Variants in SPMIP11 observed in about 807,000 individuals in gnomAD.
SPMIP11 encodes the protein sperm microtubule inner protein 11, also known as long intergenic non-protein coding RNA 935.
chr12:48,759,616 G>A, the SPMIP11 span, among the ~76,000 whole-genome samples: 1 of 151,112 alleles, frequency 6.6e-6, no homozygotes, highest in East Asian at 1.9e-4. Flanking sequence ...GGTTGCGTGA[G>A]CCAAGATCGT....
chr12:48,731,113 C>A, the SPMIP11 span, among the ~76,000 whole-genome samples: 1 of 152,192 alleles, frequency 6.6e-6, no homozygotes. Context: ...AAGCAGGCCA[C>A]TGTACAAATG....
chr12:48,764,762 C>A, the SPMIP11 span: 18 of 644,360 alleles, frequency 2.8e-5, no homozygotes, highest in Non-Finnish European at 4.8e-5. Context: ...AGTTGCTGGG[C>A]TGGGCTGGGC....
the SPMIP11 span, chr12:48,771,067 A>T: frequency 8.1e-7 from 1 of 1,241,812 alleles, no homozygotes. This position sits in a 1 kb window ranked among gnomAD's most constrained non-coding sequence, Gnocchi z 4.3. Flanking sequence ...TGCCTTCCCC[A>T]CTTCCCTGTC....
At chr12:48,754,962 T>C in the SPMIP11 span, among the ~76,000 whole-genome samples, 1 of 149,236 alleles carries the variant, frequency 6.7e-6, no homozygotes, top group African/African-American at 2.6e-5. Flanking sequence ...TGGCTGCAAA[T>C]ACCCTAATCT....
the SPMIP11 span, among the ~76,000 whole-genome samples, chr12:48,754,556 T>C: frequency 6.6e-6 from 1 of 151,916 alleles, no homozygotes; most frequent in Non-Finnish European, 1.5e-5. Context: ...GTTCACGCCA[T>C]TCTCCTGCCT....
the SPMIP11 span, among the ~76,000 whole-genome samples, chr12:48,728,207 T>C: frequency 6.6e-6 from 1 of 152,144 alleles, no homozygotes; most frequent in Non-Finnish European, 1.5e-5. Flanking sequence ...GACTATCTGA[T>C]GAGAAAGATA....
chr12:48,757,584 T>A, the SPMIP11 span, among the ~76,000 whole-genome samples: 1 of 151,062 alleles, frequency 6.6e-6, no homozygotes, highest in Non-Finnish European at 1.5e-5. Context: ...AGGCAGATGT[T>A]GCAGTGAGCC....
chr12:48,759,161 C>A, the SPMIP11 span: 1 of 699,892 alleles, frequency 1.4e-6, no homozygotes, highest in South Asian at 1.5e-5. Context: ...ATCAGAGAAT[C>A]AAATAGTCAT....
the SPMIP11 span, among the ~76,000 whole-genome samples, chr12:48,763,718 G>A: frequency 6.9e-6 from 1 of 145,098 alleles, no homozygotes; most frequent in Admixed American, 7.0e-5. Context: ...TCGCTCTGTC[G>A]CCCTGGCTGG....
At chr12:48,750,926 G>T in the SPMIP11 span, among the ~76,000 whole-genome samples, 2 of 152,140 alleles carry the variant, frequency 1.3e-5, no homozygotes, top group East Asian at 3.8e-4. Flanking sequence ...ACCATTCTGT[G>T]GTTCAAATCA....
At chr12:48,728,405 T>C in the SPMIP11 span, among the ~76,000 whole-genome samples, 3 of 152,132 alleles carry the variant, frequency 2.0e-5, no homozygotes, top group Non-Finnish European at 4.4e-5. Context: ...AAAGGATGAT[T>C]GGCGTTCACT....
chr12:48,739,943 A>C, the SPMIP11 span, among the ~76,000 whole-genome samples: 1 of 152,174 alleles, frequency 6.6e-6, no homozygotes, highest in African/African-American at 2.4e-5. Flanking sequence ...CTTAGGTAAC[A>C]ACATTCTTTA....
chr12:48,756,506 T>C, the SPMIP11 span, among the ~76,000 whole-genome samples: 7 of 152,004 alleles, frequency 4.6e-5, no homozygotes, highest in Non-Finnish European at 1.0e-4. Flanking sequence ...GGGACAGAGA[T>C]GATGAATGAG....
chr12:48,744,163 G>A, the SPMIP11 span, among the ~76,000 whole-genome samples: 7 of 150,400 alleles, frequency 4.7e-5, no homozygotes, highest in African/African-American at 7.4e-5. Context: ...CAGGAGAATC[G>A]CTTGAACCTG....
At chr12:48,730,768 C>T in the SPMIP11 span, among the ~76,000 whole-genome samples, 1 of 151,950 alleles carries the variant, frequency 6.6e-6, no homozygotes, top group East Asian at 1.9e-4. Context: ...TGAAACTCCA[C>T]CTCTACTAAA....
the SPMIP11 span, chr12:48,727,522 C>G: frequency 1.4e-6 from 1 of 702,812 alleles, no homozygotes; most frequent in Non-Finnish European, 2.6e-6. Flanking sequence ...ATCAAAATTC[C>G]TTTCAGAACA....
the SPMIP11 span, among the ~76,000 whole-genome samples, chr12:48,758,485 G>A: frequency 1.2e-4 from 18 of 152,324 alleles, no homozygotes; most frequent in South Asian, 1.7e-3. Flanking sequence ...AATCTGAAAC[G>A]GATGTGTTTG....
the SPMIP11 span, chr12:48,768,244 A>G: frequency 8.0e-6 from 3 of 373,976 alleles, no homozygotes; most frequent in Non-Finnish European, 1.5e-5. Context: ...ACAGACAGGG[A>G]AGGGTAGGCA....
At chr12:48,769,296 C>T in the SPMIP11 span, among the ~76,000 whole-genome samples, 1 of 151,534 alleles carries the variant, frequency 6.6e-6, no homozygotes, top group Non-Finnish European at 1.5e-5. Context: ...GCCTGTAGTC[C>T]CAGCTACTTA....
Sources: allele counts gnomAD v4.1 joint callset (sites outside exome capture counted in the v4.1 genomes callset), GRCh38; gene constraint gnomAD v4.1.1; non-coding constraint Gnocchi (gnomAD v3.1); transcripts MANE v1.5; gene names NCBI Gene and HGNC (gene_info 2026-07-23, HGNC 2026-07-21).